TMEM100: variants seen among roughly 807,000 people sequenced by gnomAD.
TMEM100 encodes the protein transmembrane protein 100.
For missense variants in TMEM100, 137 were observed against 168.2 expected (o/e 0.81, Z 1.02); for synonymous variants, 61 against 67.1 (o/e 0.91, Z 0.44).
Position 55,720,542 on chromosome 17 carries a change from C to A in TMEM100, c.*124G>T. Reference sequence around the variant, plus strand: ...AAGGAGAAGCCCCTCCACCCTCCCACCCCCATTCTTCCAGTCTGCTCCAAC... The same window carrying A: ...AAGGAGAAGCCCCTCCACCCTCCCAACCCCATTCTTCCAGTCTGCTCCAAC... On this transcript the variant is annotated 3_prime_UTR_variant, in exon 2 of 2. Transcript: ENST00000424486. The A allele has an allele frequency of 1.2e-5, 12 of 1,032,208 alleles. No homozygotes were observed. The highest frequency in any genetic ancestry group is 2.6e-5 in the East Asian group (1 of 38,468). The allele number at this position is 1,032,208 out of a possible 1,614,324, so 63.9% of individuals were successfully genotyped here.
chr17:55,724,479 C>A (rs1243352529), upstream of TMEM100, among the ~76,000 whole-genome samples: 2 of 152,114 alleles, frequency 1.3e-5, no homozygotes, highest in African/African-American at 2.4e-5. Context: ...TGTTGAGGGT[C>A]AGGAATACTT....
upstream of TMEM100, among the ~76,000 whole-genome samples, chr17:55,725,043 T>C (rs1909025245): frequency 6.6e-6 from 1 of 152,266 alleles, no homozygotes; most frequent in South Asian, 2.1e-4. Context: ...AGTTTTGGTA[T>C]AAAGCAGACA....
At chr17:55,724,773 G>A (rs1171476329), upstream of TMEM100, among the ~76,000 whole-genome samples, 1 of 152,216 alleles carries the variant, frequency 6.6e-6, no homozygotes, top group Non-Finnish European at 1.5e-5. Flanking sequence ...CGTCTAGAGA[G>A]AGGACAATGG....
chr17:55,723,218 ACAGATACTCTAGGGTGG>A (rs1908963929), upstream of TMEM100, among the ~76,000 whole-genome samples: 1 of 152,154 alleles, frequency 6.6e-6, no homozygotes. Flanking sequence ...AGCCGAGGGG[ACAGATACTCTAGGGTGG>A]CAGAAACAGC....
chr17:55,726,662 TCTCAGTCATCAC>T (rs1203090354), upstream of TMEM100, among the ~76,000 whole-genome samples: 1 of 152,166 alleles, frequency 6.6e-6, no homozygotes, highest in African/African-American at 2.4e-5. Context: ...ATGCCTTTGA[TCTCAGTCATCAC>T]CCAGTCCAAT....
chr17:55,725,701 A>ATG (rs57564459), upstream of TMEM100, among the ~76,000 whole-genome samples: 15,348 of 139,208 alleles, frequency 0.11, 831 homozygotes, highest in South Asian at 0.14. Flanking sequence ...ACCCATATAT[A>ATG]TGTGTGTGTG....
At chr17:55,727,215 G>A (rs574447462), upstream of TMEM100, among the ~76,000 whole-genome samples, 60 of 152,240 alleles carry the variant, frequency 3.9e-4, no homozygotes, top group African/African-American at 1.1e-3. Context: ...AATATACACC[G>A]AAACTCCTGC....
At chr17:55,724,601 TC>T (rs1332218509), upstream of TMEM100, among the ~76,000 whole-genome samples, 2 of 152,192 alleles carry the variant, frequency 1.3e-5, no homozygotes, top group Non-Finnish European at 2.9e-5. Context: ...AGAGCTGTCT[TC>T]TCACCTGCAA....
chr17:55,723,786 C>G (rs1908986466), upstream of TMEM100, among the ~76,000 whole-genome samples: 1 of 152,106 alleles, frequency 6.6e-6, no homozygotes, highest in African/African-American at 2.4e-5. Context: ...GTTCCTTGGC[C>G]CACTTTAAGG....
At chr17:55,722,236 T>A (rs2144863958) in intron 1 of TMEM100, among the ~76,000 whole-genome samples, 1 of 152,356 alleles carries the variant, frequency 6.6e-6, no homozygotes, top group East Asian at 1.9e-4. Context: ...GCTGTCTAGC[T>A]GCTACACAGT....
rs763453197 is a variant in TMEM100 at position 55,720,622 on chromosome 17, AGCACGTTTTCCAGGCCCAATG to A, written c.*23_*43del. On this transcript the variant is annotated 3_prime_UTR_variant, in exon 2 of 2. Coordinates refer to ENST00000424486, the MANE Select transcript of TMEM100 (RefSeq NM_018286.3). ...TGGGTGAATTGGGTGACAAAGTCAG[AGCACGTTTTCCAGGCCCAATG>A]GCCCATTTGGTCGTATTCAGTCTCA... 20 of 1,548,738 alleles carry A rather than the reference AGCACGTTTTCCAGGCCCAATG, an allele frequency of 1.3e-5. No homozygotes were observed. Among genetic ancestry groups the A allele is most frequent in the Non-Finnish European group, 1.4e-5 (16 of 1,150,430 alleles).
chr17:55,721,127 G>C lies in TMEM100; in HGVS notation c.-57C>G, dbSNP rs968372092. 4.6e-6 allele frequency: 7 copies of C among 1,527,372 alleles called. No individual in the cohort carries two copies. Among genetic ancestry groups the C allele is most frequent in the Non-Finnish European group, 6.2e-6 (7 of 1,137,298 alleles). The allele number at this position is 1,527,372 out of a possible 1,614,324, so 94.6% of individuals were successfully genotyped here. ...AGACTAGATCTGGACAGTCTCACCAGGGTGAAAGCTGTGAAGATAACAGGA... is the reference window on the plus strand; with the variant it reads ...AGACTAGATCTGGACAGTCTCACCACGGTGAAAGCTGTGAAGATAACAGGA... On this transcript the variant is annotated 5_prime_UTR_variant, in exon 2 of 2. Transcript: ENST00000424486.
intron 1 of TMEM100, among the ~76,000 whole-genome samples, chr17:55,728,852 A>G (rs543544504): frequency 6.6e-6 from 1 of 152,282 alleles, no homozygotes; most frequent in Admixed American, 6.5e-5. Context: ...GCACACAGGC[A>G]TTTAACATTA....
upstream of TMEM100, among the ~76,000 whole-genome samples, chr17:55,725,751 A>G (rs975945561): frequency 5.7e-5 from 6 of 105,006 alleles, no homozygotes; most frequent in Non-Finnish European, 1.2e-4. Flanking sequence ...GTGTGTGTGT[A>G]TACAGACAGA....
In TMEM100 at chr17:55,720,389, C is replaced by T. The variant is rs80335175; in HGVS notation, c.*277G>A. ...GCTACTTTACAGGGTGAACCAAATA[C>T]TGTCTAATGCTGTGCACTCCCATGA... On this transcript the variant is annotated 3_prime_UTR_variant, in exon 2 of 2. Transcript: ENST00000424486. The T allele has an allele frequency of 2.9e-3, 1,142 of 389,344 alleles. 13 individuals carry two copies. Among genetic ancestry groups the T allele is most frequent in the African/African-American group, 0.021 (1,040 of 49,230 alleles). The allele number at this position is 389,344 out of a possible 1,614,324, so 24.1% of individuals were successfully genotyped here. A position where few individuals can be genotyped will look rare whatever the true frequency, so the allele number is the denominator to read the frequency against.
At position 55,720,872 on chromosome 17, in the gene TMEM100, C is replaced by T. The variant is rs201412775; in HGVS notation, c.199G>A (p.Ala67Thr). Residue 67 changes from alanine to threonine, a missense_variant, in exon 2 of 2, where the codon GCC (alanine) becomes ACC (threonine). Coordinates refer to ENST00000424486, the MANE Select transcript of TMEM100 (RefSeq NM_018286.3). ...GCCACCGCGGTGACCACGATGCCGGCGATGAAGACAACCACAGCAAAGGGG... is the reference window on the plus strand; with the variant it reads ...GCCACCGCGGTGACCACGATGCCGGTGATGAAGACAACCACAGCAAAGGGG... The part of the protein sequence containing the change: ...IIPFAVVVFI[A>T]GIVVTAVAYS... 2.0e-5 allele frequency: 32 copies of T among 1,614,014 alleles called. No homozygotes were observed. The highest frequency in any genetic ancestry group is 4.0e-5 in the African/African-American group (3 of 74,914).
At chr17:55,721,208 G>C in intron 1 of TMEM100, 73 bp from the exon 2 acceptor site, 1 of 1,012,742 alleles carries the variant, frequency 9.9e-7, no homozygotes, top group Non-Finnish European at 1.4e-6. Flanking sequence ...GAAAAGCTGG[G>C]GAGGCACCTC....
rs1317945765 is a variant in TMEM100, at chr17:55,719,882, A to C, written c.*784T>G. 2.6e-5 allele frequency: 4 copies of C among 152,674 alleles called. No individual in the cohort carries two copies. The highest frequency in any genetic ancestry group is 9.6e-5 in the African/African-American group (4 of 41,464). 9.5% of individuals were successfully genotyped at this position (152,674 alleles called of 1,614,324 possible). On this transcript the variant is annotated 3_prime_UTR_variant, in exon 2 of 2. Coordinates refer to ENST00000424486, the MANE Select transcript of TMEM100 (RefSeq NM_018286.3). The stretch of plus-strand genomic sequence containing the variant: ...GATGGCAATTTGGAACTGCAATAGA[A>C]ATAACTATAGCAGAAACAACCATTT...
intron 1 of TMEM100, among the ~76,000 whole-genome samples, chr17:55,731,345 C>T (rs1176363011): frequency 3.9e-5 from 6 of 152,148 alleles, no homozygotes; most frequent in Non-Finnish European, 8.8e-5. Flanking sequence ...ATGAACATTT[C>T]TGACTCTCCA....
Sources: allele counts gnomAD v4.1 joint callset (sites outside exome capture counted in the v4.1 genomes callset), GRCh38; gene constraint gnomAD v4.1.1; transcripts MANE v1.5; gene names NCBI Gene and HGNC (gene_info 2026-07-23, HGNC 2026-07-21).